Variants in ST3GAL1 observed in about 807,000 individuals in gnomAD.
ST3GAL1 encodes CMP-N-acetylneuraminate-beta-galactosamide-alpha-2,3-sialyltransferase 1.
In ST3GAL1, 16 loss-of-function variants were observed where a neutral mutation model predicts 34.1. That is an observed-to-expected ratio of 0.47 (90% CI 0.32 to 0.71). The LOEUF (loss-of-function observed/expected upper bound fraction) is 0.71. ST3GAL1 is among the 30% of genes least tolerant of loss of function. The probability of loss-of-function intolerance (pLI) is 0.04; values close to 1 mark genes in which losing one functional copy is unlikely to be tolerated. For synonymous variants in ST3GAL1, 191 were observed against 184.7 expected, an observed-to-expected ratio of 1.03 and a Z score of -0.28; for missense variants, 353 against 447.4, an observed-to-expected ratio of 0.79 and a Z score of 1.90.
intron 5 of ST3GAL1, among the ~76,000 whole-genome samples, chr8:133,474,628 T>C (rs1161606367): frequency 3.3e-5 from 5 of 152,126 alleles, no homozygotes; most frequent in Admixed American, 2.0e-4. Context: ...CCCCCAGCCA[T>C]GCAGAGCTCC....
intron 3 of ST3GAL1, among the ~76,000 whole-genome samples, chr8:133,484,262 C>G (rs1348628492): frequency 1.3e-5 from 2 of 152,156 alleles, no homozygotes; most frequent in African/African-American, 4.8e-5. Flanking sequence ...AGGGCCTGCA[C>G]CAGCAAGATG....
chr8:133,520,957 G>GT (rs1197992431), intron 2 of ST3GAL1, among the ~76,000 whole-genome samples: 8,468 of 89,054 alleles, frequency 0.095, 754 homozygotes, highest in African/African-American at 0.12. Flanking sequence ...TTTGTGGGTT[G>GT]TTTTTTTTTT....
In ST3GAL1 at chr8:133,483,959, T is replaced by C. The variant is rs567108994; in HGVS notation, c.-373-7359A>G. ...TTTCCCACACACTTGGAAACGCAGA[T>C]GCATTGTCTTCTGAAGTATCCAAGA... On this transcript the variant is annotated intron_variant, in intron 3 of 9. Transcript: ENST00000522652. Among the ~76,000 whole-genome samples, 817 of 152,356 alleles carry C rather than the reference T, an allele frequency of 5.4e-3. 3 individuals carry two copies. The highest frequency in any genetic ancestry group is 7.8e-3 in the Non-Finnish European group (534 of 68,044).
chr8:133,538,675 C>T (rs1418992386), intron 2 of ST3GAL1, among the ~76,000 whole-genome samples: 1 of 152,238 alleles, frequency 6.6e-6, no homozygotes, highest in African/African-American at 2.4e-5. Flanking sequence ...CCCACCTTCA[C>T]ACCAAAAATT....
chr8:133,555,844 T>C (rs145427779), intron 1 of ST3GAL1, among the ~76,000 whole-genome samples: 233 of 151,958 alleles, frequency 1.5e-3, no homozygotes, highest in African/African-American at 5.3e-3. Context: ...TCTGGGGCTG[T>C]TCCCAACCTA....
chr8:133,496,780 G>A (rs1816960062), intron 3 of ST3GAL1, among the ~76,000 whole-genome samples: 1 of 152,210 alleles, frequency 6.6e-6, no homozygotes, highest in Non-Finnish European at 1.5e-5. Flanking sequence ...CTGAACTCAG[G>A]TATGCTGATG....
At position 133,508,650 on chromosome 8, in the gene ST3GAL1, T is replaced by A. The variant is rs1267073188; in HGVS notation, c.-428-9461A>T. ...CCTTTCTCAAGAGCTGGGAGGATCCTCTATAACCACCGAGTCCAGACTCTT... is the reference window on the plus strand; with the variant it reads ...CCTTTCTCAAGAGCTGGGAGGATCCACTATAACCACCGAGTCCAGACTCTT... On this transcript the variant is annotated intron_variant, in intron 2 of 9. Coordinates refer to ENST00000522652, the MANE Select transcript of ST3GAL1 (RefSeq NM_173344.3). This position sits in a 1 kb window ranked among gnomAD's most constrained non-coding sequence, Gnocchi z 4.1. Among the ~76,000 whole-genome samples the A allele has an allele frequency of 1.3e-5, 2 of 151,956 alleles. No individual in the cohort carries two copies. The highest frequency in any genetic ancestry group is 4.8e-5 in the African/African-American group (2 of 41,346).
At chr8:133,492,537 C>A (rs1022912437) in intron 3 of ST3GAL1, among the ~76,000 whole-genome samples, 3 of 152,144 alleles carry the variant, frequency 2.0e-5, no homozygotes, top group African/African-American at 7.2e-5. Context: ...GCCTGGCCAA[C>A]ATGGTGAAAC....
Position 133,529,516 on chromosome 8 carries a change from G to A in ST3GAL1, c.-429+16258C>T, listed in dbSNP as rs370800530. On this transcript the variant is annotated intron_variant, in intron 2 of 9. Coordinates refer to ENST00000522652, the MANE Select transcript of ST3GAL1 (RefSeq NM_173344.3). The stretch of plus-strand genomic sequence containing the variant: ...CCACCTGAAGGTGAGGACGCCAGGC[G>A]AGAGCTAACATGGAATATCAAGGGA... Among the ~76,000 whole-genome samples, 9 of 152,294 alleles carry A rather than the reference G, an allele frequency of 5.9e-5. No homozygotes were observed. The South Asian group carries it at 6.2e-4, about 11-fold the overall frequency.
intron 3 of ST3GAL1, among the ~76,000 whole-genome samples, chr8:133,490,314 C>CCT (rs16918353): frequency 0.76 from 114,670 of 151,876 alleles, 43,598 homozygotes; most frequent in Middle Eastern, 0.8. Context: ...CACTGCCGTA[C>CCT]CTCACCCAGG....
chr8:133,566,881 A>C (rs1167817543), intron 1 of ST3GAL1: 1 of 152,230 alleles, frequency 6.6e-6, no homozygotes, highest in Non-Finnish European at 1.5e-5. Flanking sequence ...CTCTCACACA[A>C]ACAAACCAGA....
chr8:133,473,236 A>G (rs1816033244), intron 5 of ST3GAL1, among the ~76,000 whole-genome samples: 1 of 152,138 alleles, frequency 6.6e-6, no homozygotes, highest in Non-Finnish European at 1.5e-5. Flanking sequence ...AAGAAGAAAG[A>G]TCGATACTGT....
intron 2 of ST3GAL1, among the ~76,000 whole-genome samples, chr8:133,529,825 AC>A (rs1439213774): frequency 3.9e-5 from 6 of 152,008 alleles, no homozygotes; most frequent in African/African-American, 1.4e-4. Context: ...TCCCCCAGAC[AC>A]CCACGTGGAC....
rs552731606 is a variant in ST3GAL1, at chr8:133,571,322, G to A, written c.-582+371C>T. Among the ~76,000 whole-genome samples, 235 of 152,306 alleles carry A rather than the reference G, an allele frequency of 1.5e-3. 2 individuals carry two copies. Among genetic ancestry groups the A allele is most frequent in the East Asian group, 7.8e-4 (4 of 5,154 alleles). ...CGGCGCCGGGTGCAATGTCACTGGG[G>A]CTGCTTTCGGGAACCGCTGCCCGGG... is the stretch of plus-strand genomic sequence containing the variant. On this transcript the variant is annotated intron_variant, in intron 1 of 9. Transcript: ENST00000522652. This position sits in a 1 kb window ranked among gnomAD's most constrained non-coding sequence, Gnocchi z 6.7.
At chr8:133,568,068 C>T (rs1355732041) in intron 1 of ST3GAL1, among the ~76,000 whole-genome samples, 2 of 152,026 alleles carry the variant, frequency 1.3e-5, no homozygotes, top group African/African-American at 2.4e-5. Context: ...ACTACAGGAG[C>T]CCACCACTAT....
Position 133,571,091 on chromosome 8 carries a change from G to A in ST3GAL1, c.-582+602C>T, listed in dbSNP as rs1819553423. Among the ~76,000 whole-genome samples, 1 of 152,174 alleles carries A rather than the reference G, an allele frequency of 6.6e-6. No individual in the cohort carries two copies. Among genetic ancestry groups the A allele is most frequent in the African/African-American group, 2.4e-5 (1 of 41,446 alleles). ...CAGCGCGCTCTGACGGCGTCCCCGGGGCCGATAGCCACCTCCCGGATCTGC... is the reference window on the plus strand; with the variant it reads ...CAGCGCGCTCTGACGGCGTCCCCGGAGCCGATAGCCACCTCCCGGATCTGC... On this transcript the variant is annotated intron_variant, in intron 1 of 9. Coordinates refer to ENST00000522652, the MANE Select transcript of ST3GAL1 (RefSeq NM_173344.3). The surrounding 1 kb of genome is among the most constrained non-coding windows in gnomAD (Gnocchi z 6.7).
At chr8:133,558,016 GC>G (rs1819109682) in intron 1 of ST3GAL1, among the ~76,000 whole-genome samples, 1 of 151,940 alleles carries the variant, frequency 6.6e-6, no homozygotes, top group South Asian at 2.1e-4. Context: ...TAGCTTCACA[GC>G]CCAGACAACT....
chr8:133,498,932 TG>T (rs1387491311), intron 3 of ST3GAL1, among the ~76,000 whole-genome samples: 1 of 152,246 alleles, frequency 6.6e-6, no homozygotes, highest in Admixed American at 6.5e-5. Flanking sequence ...GGAATGGGGA[TG>T]TTTTTCTCAA....
chr8:133,565,707 G>A (rs2131117705), intron 1 of ST3GAL1, among the ~76,000 whole-genome samples: 1 of 152,316 alleles, frequency 6.6e-6, no homozygotes, highest in East Asian at 1.9e-4. Flanking sequence ...GCTTCATTTT[G>A]TGGGGTCCTC....
Sources: allele counts gnomAD v4.1 joint callset (sites outside exome capture counted in the v4.1 genomes callset), GRCh38; gene constraint gnomAD v4.1.1; non-coding constraint Gnocchi (gnomAD v3.1); transcripts MANE v1.5; gene names NCBI Gene and HGNC (gene_info 2026-07-23, HGNC 2026-07-21).